Variants in CAMSAP2 observed in about 807,000 individuals in gnomAD.
CAMSAP2 encodes the protein calmodulin-regulated spectrin-associated protein 2.
CAMSAP2 carries 26 observed loss-of-function variants against 146.1 expected under a neutral mutation model. The ratio of observed to expected loss-of-function variants is 0.18; its 90% CI spans 0.13 to 0.25. The LOEUF (loss-of-function observed/expected upper bound fraction) is 0.25, where lower values mean the gene tolerates loss of function less well. Ranked by LOEUF, CAMSAP2 falls within the 10% of genes least tolerant of loss-of-function variation. The pLI is 1.00. For missense variants in CAMSAP2, 1,381 were observed against 1,759.3 expected, an observed-to-expected ratio of 0.78 and a Z score of 3.85; for synonymous variants, 499 against 596.6, an observed-to-expected ratio of 0.84 and a Z score of 2.38.
chr1:200,748,858 G>A (rs576062669), intron 1 of CAMSAP2, among the ~76,000 whole-genome samples: 1 of 151,154 alleles, frequency 6.6e-6, no homozygotes, highest in African/African-American at 2.4e-5. Flanking sequence ...CTATTTATTA[G>A]CTGAAATGCT....
rs185914420 is a variant in CAMSAP2 at position 200,813,369 on chromosome 1, G to C, written c.562-2192G>C. The stretch of plus-strand genomic sequence containing the variant: ...ATGAACTCTGGGGGGCAAACATTTA[G>C]ACCAAAGCGAAGGCCTTGTCTGATA... On this transcript the variant is annotated intron_variant, in intron 3 of 16. Transcript: ENST00000358823. Among the ~76,000 whole-genome samples, 299 of 152,322 alleles carry C rather than the reference G, an allele frequency of 2.0e-3. 2 individuals are homozygous for C. The highest frequency in any genetic ancestry group is 7.0e-3 in the African/African-American group (292 of 41,572).
intron 2 of CAMSAP2, among the ~76,000 whole-genome samples, chr1:200,774,629 G>A (rs1665221526): frequency 6.6e-6 from 1 of 152,194 alleles, no homozygotes; most frequent in South Asian, 2.1e-4. Context: ...TGTTATTATA[G>A]TTAGAGTGGC....
chr1:200,761,285 G>A (rs1403329568), intron 2 of CAMSAP2, among the ~76,000 whole-genome samples, 187 bp downstream of exon 2: 3 of 152,170 alleles, frequency 2.0e-5, no homozygotes, highest in African/African-American at 4.8e-5. Context: ...GGAATGTTTG[G>A]TGCCATCTAA....
At position 200,853,256 on chromosome 1, in the gene CAMSAP2, T is replaced by TAAG; in HGVS notation, c.3603-17_3603-16insGAA. 1 of 1,604,570 alleles carries TAAG rather than the reference T, an allele frequency of 6.2e-7. No individual in the cohort carries two copies. Among genetic ancestry groups the TAAG allele is most frequent in the South Asian group, 1.1e-5 (1 of 90,846 alleles). ...TCTTTGGTATGCAGAATAAGAACTG[T>TAAG]AACCATTTGATTTCTTAGGCGTAAA... is the stretch of plus-strand genomic sequence containing the variant. On this transcript the variant is annotated intron_variant, in intron 12 of 16. Transcript: ENST00000358823. The surrounding 1 kb of genome is among the most constrained non-coding windows in gnomAD (Gnocchi z 5.1).
chr1:200,816,117 AGCCC>A (rs1666475932), intron 4 of CAMSAP2, among the ~76,000 whole-genome samples: 1 of 152,014 alleles, frequency 6.6e-6, no homozygotes, highest in Middle Eastern at 3.2e-3. Flanking sequence ...AACATGATGA[AGCCC>A]CATCTCTGCT....
intron 1 of CAMSAP2, among the ~76,000 whole-genome samples, chr1:200,742,192 A>G (rs990967496): frequency 1.3e-5 from 2 of 152,198 alleles, no homozygotes; most frequent in Non-Finnish European, 1.5e-5. Context: ...TTTGCTTATT[A>G]CTCTATACCG....
chr1:200,814,601 T>C lies in CAMSAP2; in HGVS notation c.562-960T>C, dbSNP rs555461604. On this transcript the variant is annotated intron_variant, in intron 3 of 16. Transcript: ENST00000358823. ...CTCCAGCCTGGGCGACAGTGTGAGATTGCATCCCAAAAAAAAAAAAAAAAA... is the reference window on the plus strand; with the variant it reads ...CTCCAGCCTGGGCGACAGTGTGAGACTGCATCCCAAAAAAAAAAAAAAAAA... 2.6e-3 allele frequency among the ~76,000 whole-genome samples: 269 copies of C among 104,094 alleles called. 2 individuals are homozygous for C. The highest frequency in any genetic ancestry group is 0.011 in the African/African-American group (265 of 24,656). The allele number at this position is 104,094 out of a possible 152,430, so 68.3% of individuals were successfully genotyped here. A position where few individuals can be genotyped will look rare whatever the true frequency, so the allele number is the denominator to read the frequency against.
At chr1:200,759,042 T>C (rs1032424119) in intron 1 of CAMSAP2, among the ~76,000 whole-genome samples, 2 of 152,170 alleles carry the variant, frequency 1.3e-5, no homozygotes, top group African/African-American at 4.8e-5. Context: ...CCTTGTTAGC[T>C]AATATACAAA....
intron 3 of CAMSAP2, among the ~76,000 whole-genome samples, chr1:200,814,001 G>A (rs1047875312): frequency 2.0e-5 from 3 of 150,842 alleles, no homozygotes; most frequent in African/African-American, 4.9e-5. Context: ...CCAGCTATTC[G>A]AGAGGCCGAG....
intron 1 of CAMSAP2, among the ~76,000 whole-genome samples, chr1:200,751,216 G>C (rs1571714585): frequency 6.6e-6 from 1 of 150,542 alleles, no homozygotes; most frequent in Non-Finnish European, 1.5e-5. Flanking sequence ...TATATATAAC[G>C]TGTGTGTGTG....
At chr1:200,812,570 C>G (rs1666360861) in intron 3 of CAMSAP2, among the ~76,000 whole-genome samples, 1 of 152,068 alleles carries the variant, frequency 6.6e-6, no homozygotes, top group African/African-American at 2.4e-5. Flanking sequence ...TATATGTTTT[C>G]TCCTTCTGGC....
Position 200,858,232 on chromosome 1 carries a change from A to G in CAMSAP2, c.*173A>G, listed in dbSNP as rs773767614. The G allele has an allele frequency of 5.7e-6, 3 of 523,562 alleles. No individual in the cohort carries two copies. Among genetic ancestry groups the G allele is most frequent in the Non-Finnish European group, 9.9e-6 (3 of 303,248 alleles). 32.4% of individuals were successfully genotyped at this position (523,562 alleles called of 1,614,324 possible). A position where few individuals can be genotyped will look rare whatever the true frequency, so the allele number is the denominator to read the frequency against. On this transcript the variant is annotated 3_prime_UTR_variant, in exon 17 of 17. Transcript: ENST00000358823. ...ACCACAGTATTTTGGAGTGCAGAAC[A>G]TTCTCAATTAAGTGATAAGTCCAAA...
Position 200,853,491 on chromosome 1 carries a change from T to A in CAMSAP2, c.3819T>A (p.Pro1273=), listed in dbSNP as rs758588947. ...IESPKTPIKG[P]PVSSLSLASL... is the part of the protein sequence containing the mutation. The stretch of plus-strand genomic sequence containing the variant: ...CCCCCAAAACACCAATAAAGGGTCC[T>A]CCAGGTAACATAGCTTATTATGAAG... Residue 1273 remains proline, a synonymous_variant, in exon 13 of 17, where the codon CCT becomes CCA. Transcript: ENST00000358823. This position sits in a 1 kb window ranked among gnomAD's most constrained non-coding sequence, Gnocchi z 5.1. 3 of 1,605,658 alleles carry A rather than the reference T, an allele frequency of 1.9e-6. No individual in the cohort carries two copies. The highest frequency in any genetic ancestry group is 1.7e-6 in the Non-Finnish European group (2 of 1,173,312).
intron 2 of CAMSAP2, among the ~76,000 whole-genome samples, 158 bp from the exon 3 acceptor site, chr1:200,807,218 C>T (rs1313375856): frequency 3.3e-5 from 5 of 152,172 alleles, no homozygotes; most frequent in Admixed American, 3.3e-4. Flanking sequence ...GGTCAGTTAG[C>T]TCATCTTTAG....
At chr1:200,800,676 ATTG>A (rs752376765) in intron 2 of CAMSAP2, among the ~76,000 whole-genome samples, 5 of 152,116 alleles carry the variant, frequency 3.3e-5, no homozygotes, top group Non-Finnish European at 5.9e-5. Flanking sequence ...TAAGGTTAAT[ATTG>A]TTATGTGTGA....
chr1:200,826,355 C>A (rs575007546), intron 4 of CAMSAP2, among the ~76,000 whole-genome samples: 3 of 151,936 alleles, frequency 2.0e-5, no homozygotes, highest in African/African-American at 7.2e-5. Flanking sequence ...TTGCTTGAAC[C>A]TGGGAGGCAG....
Position 200,815,609 on chromosome 1 carries a change from G to C in CAMSAP2, c.610G>C (p.Glu204Gln). The change falls in exon 4 of 17, where the codon GAA becomes CAA. Residue 204 changes from glutamate (E) to glutamine (Q), a missense_variant. Glu to Gln is a conservative substitution (Grantham distance 29). Coordinates refer to ENST00000358823, the MANE Select transcript of CAMSAP2 (RefSeq NM_203459.4). ...DIMEQEQKLKEHHTVEAPGGQ... is the reference protein window; with the variant it reads ...DIMEQEQKLKQHHTVEAPGGQ... ...AATGGAACAAGAACAAAAACTGAAAGAACATCACACAGTTGAAGCTCCAGG... is the reference window on the plus strand; with the variant it reads ...AATGGAACAAGAACAAAAACTGAAACAACATCACACAGTTGAAGCTCCAGG... The C allele has an allele frequency of 6.3e-7, 1 of 1,576,100 alleles. No homozygotes were observed.
intron 2 of CAMSAP2, among the ~76,000 whole-genome samples, chr1:200,778,426 C>T (rs889231246): frequency 1.3e-5 from 2 of 152,028 alleles, no homozygotes; most frequent in East Asian, 1.9e-4. Context: ...GGAGTTTATA[C>T]GAGAATCTAA....
At chr1:200,830,399 C>T (rs1465923355) in intron 4 of CAMSAP2, among the ~76,000 whole-genome samples, 1 of 152,212 alleles carries the variant, frequency 6.6e-6, no homozygotes, top group Non-Finnish European at 1.5e-5. Context: ...GAACAAATCA[C>T]ATAATTCAAT....
Sources: allele counts gnomAD v4.1 joint callset (sites outside exome capture counted in the v4.1 genomes callset), GRCh38; gene constraint gnomAD v4.1.1; non-coding constraint Gnocchi (gnomAD v3.1); transcripts MANE v1.5; gene names NCBI Gene and HGNC (gene_info 2026-07-23, HGNC 2026-07-21).